Variants in RSU1 observed in about 807,000 individuals in gnomAD.
The protein encoded by RSU1 is Ras suppressor protein 1.
RSU1 carries 26 observed loss-of-function variants against 31.1 expected under a neutral mutation model. The ratio of observed to expected loss-of-function variants is 0.84; its 90% CI spans 0.61 to 1.16. The LOEUF is 1.16. RSU1 is among the 50% of genes most tolerant of loss of function. The probability of loss-of-function intolerance (pLI) is 0.00; values close to 1 mark genes in which losing one functional copy is unlikely to be tolerated. For synonymous variants in RSU1, 164 were observed against 136.3 expected (o/e 1.20, Z -1.41); for missense variants, 320 against 339.1 (o/e 0.94, Z 0.44).
chr10:16,707,260 A>C (rs1835925191), intron 7 of RSU1, among the ~76,000 whole-genome samples: 2 of 152,194 alleles, frequency 1.3e-5, no homozygotes, highest in Admixed American at 6.6e-5. Flanking sequence ...ATACCTAGTA[A>C]TGGAATGGCT....
intron 7 of RSU1, among the ~76,000 whole-genome samples, chr10:16,731,922 T>C (rs1002830451): frequency 5.9e-5 from 9 of 152,314 alleles, no homozygotes; most frequent in Non-Finnish European, 1.0e-4. Flanking sequence ...AGATATTTAA[T>C]CCCAGGTCCC....
intron 2 of RSU1, among the ~76,000 whole-genome samples, chr10:16,812,296 G>T (rs528342561): frequency 6.6e-6 from 1 of 152,160 alleles, no homozygotes; most frequent in Non-Finnish European, 1.5e-5. Context: ...ATAAAAATTA[G>T]CCAGGTGTGG....
At chr10:16,670,938 G>C (rs1331116649) in intron 8 of RSU1, among the ~76,000 whole-genome samples, 1 of 151,948 alleles carries the variant, frequency 6.6e-6, no homozygotes, top group Non-Finnish European at 1.5e-5. Context: ...CTAATTTTTT[G>C]TATTTTTAGT....
At chr10:16,701,565 C>A (rs1835793746) in intron 7 of RSU1, among the ~76,000 whole-genome samples, 1 of 152,058 alleles carries the variant, frequency 6.6e-6, no homozygotes, top group African/African-American at 2.4e-5. Flanking sequence ...AAGATACATA[C>A]TAAAATAAAC....
At chr10:16,678,737 G>A (rs1448762760) in intron 8 of RSU1, among the ~76,000 whole-genome samples, 7 of 152,104 alleles carry the variant, frequency 4.6e-5, no homozygotes, top group Non-Finnish European at 7.4e-5. Flanking sequence ...AGAGTGAAGA[G>A]GATGTGCCCA....
intron 7 of RSU1, among the ~76,000 whole-genome samples, chr10:16,708,729 A>G (rs547100843): frequency 1.3e-5 from 2 of 152,038 alleles, no homozygotes; most frequent in East Asian, 3.8e-4. Flanking sequence ...GTAGCTTGCC[A>G]TTTATTTGTG....
intron 4 of RSU1, among the ~76,000 whole-genome samples, chr10:16,759,497 A>C (rs1406619280): frequency 2.6e-5 from 4 of 152,212 alleles, no homozygotes; most frequent in Non-Finnish European, 2.9e-5. Context: ...ACAGAGTGAG[A>C]TCTTGTCTCA....
chr10:16,689,593 T>G (rs932251173), intron 8 of RSU1, among the ~76,000 whole-genome samples: 1 of 152,254 alleles, frequency 6.6e-6, no homozygotes, highest in Non-Finnish European at 1.5e-5. Flanking sequence ...AAAGAATGTT[T>G]CCTTATAAAT....
In RSU1 at chr10:16,817,018, T is replaced by G; in HGVS notation, c.64A>C (p.Met22Leu). The part of the protein sequence containing the change: ...SREKNQPEVD[M>L]SDRGISNMLD... The stretch of plus-strand genomic sequence containing the variant: ...ATGTTGGAGATGCCCCGGTCACTCA[T>G]GTCCACCTCGGGCTGGTTCTTCTCC... The change falls in exon 2 of 9, where the codon ATG becomes CTG. Residue 22 changes from methionine (M) to leucine (L), a missense_variant. Met to Leu is a conservative substitution (Grantham distance 15). Coordinates refer to ENST00000345264, the MANE Select transcript of RSU1 (RefSeq NM_012425.4). 6.2e-7 allele frequency: 1 copy of G among 1,614,238 alleles called. No individual in the cohort carries two copies. Among genetic ancestry groups the G allele is most frequent in the Non-Finnish European group, 8.5e-7 (1 of 1,180,022 alleles).
chr10:16,595,453 GAGAC>G (rs1453458598), intron 8 of RSU1, among the ~76,000 whole-genome samples: 1 of 152,206 alleles, frequency 6.6e-6, no homozygotes, highest in Non-Finnish European at 1.5e-5. Context: ...GAGCTGGCCA[GAGAC>G]AGACCTACGA....
At chr10:16,747,141 C>T (rs1383272209) in intron 7 of RSU1, among the ~76,000 whole-genome samples, 1 of 152,184 alleles carries the variant, frequency 6.6e-6, no homozygotes, top group Non-Finnish European at 1.5e-5. Context: ...CGGATGTCTG[C>T]CTGGGAGTCA....
intron 7 of RSU1, among the ~76,000 whole-genome samples, chr10:16,707,822 G>C (rs1835936981): frequency 6.6e-6 from 1 of 151,922 alleles, no homozygotes; most frequent in Admixed American, 6.6e-5. Context: ...TTTCCTCTCT[G>C]TTTTCTTCCA....
At chr10:16,670,318 T>A (rs368706796) in intron 8 of RSU1, among the ~76,000 whole-genome samples, 6 of 152,294 alleles carry the variant, frequency 3.9e-5, no homozygotes, top group East Asian at 3.9e-4. Context: ...AAAGACCCCT[T>A]TTTATTCCAT....
At chr10:16,683,019 T>C (rs919062556) in intron 8 of RSU1, among the ~76,000 whole-genome samples, 2 of 152,184 alleles carry the variant, frequency 1.3e-5, no homozygotes, top group Admixed American at 1.3e-4. Context: ...AAAGCAGCTT[T>C]TGTTTTAACA....
intron 4 of RSU1, among the ~76,000 whole-genome samples, chr10:16,756,217 G>A (rs1217748409): frequency 1.3e-4 from 20 of 152,114 alleles, no homozygotes; most frequent in Admixed American, 3.9e-4. Flanking sequence ...TTTAATGGGC[G>A]TAGGATTCAG....
intron 7 of RSU1, among the ~76,000 whole-genome samples, chr10:16,730,633 T>C (rs1836489497): frequency 6.6e-6 from 1 of 152,156 alleles, no homozygotes; most frequent in Non-Finnish European, 1.5e-5. Context: ...GGTTTTTTGG[T>C]GCAGCAAAAG....
chr10:16,649,809 G>C (rs1182115484), intron 8 of RSU1, among the ~76,000 whole-genome samples: 3 of 152,064 alleles, frequency 2.0e-5, no homozygotes, highest in Non-Finnish European at 4.4e-5. Context: ...TTTCATAAGA[G>C]ACATAAGGAG....
intron 8 of RSU1, among the ~76,000 whole-genome samples, chr10:16,693,415 C>T (rs1320604854): frequency 2.0e-5 from 3 of 151,952 alleles, no homozygotes; most frequent in African/African-American, 7.3e-5. Flanking sequence ...CAATCAATCC[C>T]GACCCACTGG....
At chr10:16,638,769 C>A (rs61844143) in intron 8 of RSU1, among the ~76,000 whole-genome samples, 3 of 152,140 alleles carry the variant, frequency 2.0e-5, no homozygotes, top group African/African-American at 7.2e-5. Context: ...GTGGGGTGCA[C>A]GGAGGAGGGC....
Sources: allele counts gnomAD v4.1 joint callset (sites outside exome capture counted in the v4.1 genomes callset), GRCh38; gene constraint gnomAD v4.1.1; transcripts MANE v1.5; gene names NCBI Gene and HGNC (gene_info 2026-07-23, HGNC 2026-07-21).